ANTXR1: variants seen among roughly 807,000 people sequenced by gnomAD.
ANTXR1 encodes the protein anthrax toxin receptor 1.
Under a neutral mutation model 78.1 loss-of-function variants are expected in ANTXR1, and 19 were observed. The observed-to-expected ratio is 0.24, with a 90% CI of 0.17 to 0.36. The LOEUF (loss-of-function observed/expected upper bound fraction) is 0.36. Ranked by LOEUF, ANTXR1 falls within the 10% of genes least tolerant of loss-of-function variation. ANTXR1 has a pLI of 1.00. For synonymous variants in ANTXR1, 273 were observed against 260.5 expected, an observed-to-expected ratio of 1.05 and a Z score of -0.46; for missense variants, 518 against 718.6, an observed-to-expected ratio of 0.72 and a Z score of 3.19.
At chr2:69,159,670 G>C (rs1673624323) in intron 13 of ANTXR1, among the ~76,000 whole-genome samples, 1 of 152,026 alleles carries the variant, frequency 6.6e-6, no homozygotes, top group Non-Finnish European at 1.5e-5. Context: ...AGTATTTTGG[G>C]AGAGGCTCAT....
At chr2:69,139,492 A>T (rs1251000474) in intron 12 of ANTXR1, among the ~76,000 whole-genome samples, 1 of 152,222 alleles carries the variant, frequency 6.6e-6, no homozygotes, top group Non-Finnish European at 1.5e-5. Flanking sequence ...ATGCATTAGA[A>T]ACTCAATGGG....
chr2:69,151,573 A>G (rs1673399223), intron 12 of ANTXR1, among the ~76,000 whole-genome samples: 1 of 152,072 alleles, frequency 6.6e-6, no homozygotes, highest in Non-Finnish European at 1.5e-5. Flanking sequence ...TCCCTCCCTC[A>G]TTCCCATGTA....
chr2:69,059,381 C>T (rs1255097387), intron 3 of ANTXR1, among the ~76,000 whole-genome samples: 2 of 152,288 alleles, frequency 1.3e-5, no homozygotes, highest in Non-Finnish European at 2.9e-5. Context: ...CCGTCAGTAT[C>T]GAGGCAGAAC....
At chr2:69,050,305 T>C (rs1669893601) in intron 3 of ANTXR1, among the ~76,000 whole-genome samples, 1 of 151,654 alleles carries the variant, frequency 6.6e-6, no homozygotes, top group Non-Finnish European at 1.5e-5. Flanking sequence ...CAAAAATAAA[T>C]AAATAAATAA....
chr2:69,217,584 A>G lies in ANTXR1; in HGVS notation c.1434+24169A>G, dbSNP rs887391708. 2.6e-5 allele frequency among the ~76,000 whole-genome samples: 4 copies of G among 152,330 alleles called. No individual in the cohort carries two copies. The East Asian group carries it at 7.7e-4, about 29-fold the overall frequency. On this transcript the variant is annotated intron_variant, in intron 17 of 17. Transcript: ENST00000303714. ...GGGAGCTCATGGTTGTGATTACTAAATGCAATATAGTGCATTTAGTATATG... is the reference window on the plus strand; with the variant it reads ...GGGAGCTCATGGTTGTGATTACTAAGTGCAATATAGTGCATTTAGTATATG...
At chr2:69,157,119 G>T (rs1002888727) in intron 13 of ANTXR1, among the ~76,000 whole-genome samples, 1 of 152,020 alleles carries the variant, frequency 6.6e-6, no homozygotes, top group African/African-American at 2.4e-5. Context: ...CCAGCCAGTG[G>T]TCTCCATTCA....
At chr2:69,070,553 A>G (rs1670535059) in intron 3 of ANTXR1, 94 bp from the exon 4 acceptor site, 1 of 1,145,106 alleles carries the variant, frequency 8.7e-7, no homozygotes, top group Non-Finnish European at 1.3e-6. Context: ...AGACAGCAGT[A>G]TCCACAGAGG....
chr2:69,172,681 G>A (rs1427622567), intron 14 of ANTXR1: 4 of 499,094 alleles, frequency 8.0e-6, no homozygotes, highest in African/African-American at 2.0e-5. Flanking sequence ...AGAGAATGAA[G>A]ATAACTTTAT....
At chr2:69,161,842 TC>T (rs1673690899) in intron 13 of ANTXR1, among the ~76,000 whole-genome samples, 1 of 152,176 alleles carries the variant, frequency 6.6e-6, no homozygotes. Context: ...TGGTGGCTTC[TC>T]ATGCAGAATT....
intron 17 of ANTXR1, among the ~76,000 whole-genome samples, chr2:69,224,490 C>T (rs1482081054): frequency 3.9e-5 from 6 of 152,166 alleles, no homozygotes. Flanking sequence ...CTCCCTATTC[C>T]CTTTCCCTGC....
intron 1 of ANTXR1, among the ~76,000 whole-genome samples, chr2:69,019,267 T>G (rs552503611): frequency 6.6e-6 from 1 of 152,222 alleles, no homozygotes; most frequent in Non-Finnish European, 1.5e-5. Context: ...TGGATTTTAA[T>G]TCGTATAAGT....
chr2:69,089,585 C>A (rs1481202798), intron 8 of ANTXR1, among the ~76,000 whole-genome samples: 1 of 152,210 alleles, frequency 6.6e-6, no homozygotes, highest in African/African-American at 2.4e-5. Context: ...GTCAGCCCCA[C>A]ATTTTCATTT....
intron 9 of ANTXR1, among the ~76,000 whole-genome samples, chr2:69,097,188 C>T (rs1378213123): frequency 6.6e-6 from 1 of 152,226 alleles, no homozygotes; most frequent in Non-Finnish European, 1.5e-5. Flanking sequence ...CTCAGTTGGC[C>T]TCCAACTTCC....
chr2:69,025,869 G>A (rs1283133562), intron 1 of ANTXR1, among the ~76,000 whole-genome samples: 12 of 152,100 alleles, frequency 7.9e-5, no homozygotes, highest in Admixed American at 7.2e-4. Context: ...TTCTCAGTTT[G>A]GATTTTAAAT....
intron 1 of ANTXR1, among the ~76,000 whole-genome samples, chr2:69,030,388 A>G (rs1250720256): frequency 6.6e-6 from 1 of 152,262 alleles, no homozygotes; most frequent in East Asian, 1.9e-4. Flanking sequence ...TCTACCAAAG[A>G]TAATACCTTC....
chr2:69,193,396 G>A lies in ANTXR1; in HGVS notation c.1415G>A (p.Arg472His), dbSNP rs1472677651. The A allele has an allele frequency of 1.9e-6, 3 of 1,613,230 alleles. No individual in the cohort carries two copies. Among genetic ancestry groups the A allele is most frequent in the South Asian group, 1.1e-5 (1 of 91,050 alleles). Residue 472 changes from arginine (R) to histidine (H), a missense_variant, in exon 17 of 18, where the codon CGT (arginine) becomes CAT (histidine). By Grantham distance (29) the Arg-to-His change is conservative (BLOSUM62 0). This residue lies in a region of ANTXR1 where 192 missense variants were observed against 230.2 expected (regional missense o/e 0.83). Coordinates refer to ENST00000303714, the MANE Select transcript of ANTXR1 (RefSeq NM_032208.3). Reference sequence around the variant, plus strand: ...GGATATGATCGTGTGTCTGTGATGCGTCCACAGCCAGGAGACACGGTAGGA... The same window carrying A: ...GGATATGATCGTGTGTCTGTGATGCATCCACAGCCAGGAGACACGGTAGGA... Reference protein sequence around the residue: ...RKGYDRVSVMRPQPGDTGRCI... With the variant: ...RKGYDRVSVMHPQPGDTGRCI...
chr2:69,033,004 C>T (rs1671573384), intron 1 of ANTXR1, among the ~76,000 whole-genome samples: 1 of 152,102 alleles, frequency 6.6e-6, no homozygotes, highest in African/African-American at 2.4e-5. Flanking sequence ...AGCAATGTCC[C>T]ATGACATTGC....
chr2:69,173,647 G>T (rs1048056019), intron 14 of ANTXR1, among the ~76,000 whole-genome samples: 1 of 152,108 alleles, frequency 6.6e-6, no homozygotes, highest in Non-Finnish European at 1.5e-5. Context: ...CTACACCCAG[G>T]AATCCATACC....
chr2:69,126,752 T>C (rs1672553821), intron 12 of ANTXR1, among the ~76,000 whole-genome samples: 1 of 152,188 alleles, frequency 6.6e-6, no homozygotes, highest in Admixed American at 6.5e-5. Flanking sequence ...TCCTTGCCAA[T>C]GCATTGCAAA....
Sources: gnomAD v4.1 joint callset for allele counts (sites outside exome capture counted in the v4.1 genomes callset) on GRCh38, gnomAD v4.1.1 for gene constraint, gnomAD v4.1.1 regional missense constraint, MANE v1.5 for transcripts, NCBI Gene and HGNC (gene_info 2026-07-23, HGNC 2026-07-21) for gene names.